The following EGFR variants were observed in gnomAD, a reference collection of about 807,000 sequenced individuals.
The protein encoded by EGFR is avian erythroblastic leukemia viral (v-erb-b) oncogene homolog.
In EGFR, 58 loss-of-function variants were observed where a neutral mutation model predicts 143.0. That is an observed-to-expected ratio of 0.41 (90% CI 0.33 to 0.50). The LOEUF is 0.50. EGFR is among the 20% of genes least tolerant of loss of function. The pLI, the probability that EGFR is intolerant of heterozygous loss-of-function variation, is 0.39. For synonymous variants in EGFR, 613 were observed against 594.4 expected (o/e 1.03, Z -0.45); for missense variants, 1,307 against 1,579.0 (o/e 0.83, Z 2.92).
chr7:55,200,704 A>G, intron 24 of EGFR: 1 of 530,888 alleles, frequency 1.9e-6, no homozygotes, highest in Non-Finnish European at 3.4e-6. Flanking sequence ...AGAGAGAAGC[A>G]TGGTCTATTG....
chr7:55,063,338 C>T (rs1406416091), intron 1 of EGFR, among the ~76,000 whole-genome samples: 1 of 152,050 alleles, frequency 6.6e-6, no homozygotes, highest in Non-Finnish European at 1.5e-5. Flanking sequence ...GGTTCAGGCT[C>T]TTATTTTACT....
At chr7:55,024,124 G>C (rs1786745034) in intron 1 of EGFR, among the ~76,000 whole-genome samples, 1 of 152,220 alleles carries the variant, frequency 6.6e-6, no homozygotes, top group African/African-American at 2.4e-5. Flanking sequence ...CAGTTGTCTA[G>C]AAAGTTCCCT....
intron 1 of EGFR, among the ~76,000 whole-genome samples, chr7:55,128,052 G>T (rs1793631881): frequency 6.6e-6 from 1 of 152,206 alleles, no homozygotes; most frequent in Non-Finnish European, 1.5e-5. Flanking sequence ...GGAGTGAGCG[G>T]TTGAGCCTGG....
intron 1 of EGFR, among the ~76,000 whole-genome samples, chr7:55,056,976 C>T (rs545852791): frequency 6.6e-6 from 1 of 152,298 alleles, no homozygotes; most frequent in East Asian, 1.9e-4. Context: ...GGAGTGCAGC[C>T]AACAGAGCAG....
chr7:55,162,093 A>C (rs1467265059), intron 13 of EGFR, among the ~76,000 whole-genome samples: 1 of 152,250 alleles, frequency 6.6e-6, no homozygotes, highest in Non-Finnish European at 1.5e-5. Flanking sequence ...ATCAAACAGT[A>C]CCAGGGACTT....
At chr7:55,045,142 T>C (rs1050292294) in intron 1 of EGFR, among the ~76,000 whole-genome samples, 5 of 152,218 alleles carry the variant, frequency 3.3e-5, no homozygotes, top group Non-Finnish European at 5.9e-5. Flanking sequence ...AAGTAAGTTA[T>C]GGAGTTGGAG....
In EGFR at chr7:55,165,337, A is replaced by G. The variant is rs1785915848; in HGVS notation, c.1780A>G (p.Thr594Ala). The change falls in exon 15 of 28, where the codon ACC (threonine) becomes GCC (alanine). Residue 594 changes from threonine (T) to alanine (A), a missense_variant. Around this residue, in one of 7 missense-constraint regions of EGFR, gnomAD observed 250 missense variants for 295.1 expected, o/e 0.85. Transcript: ENST00000275493. ...CATTGACGGCCCCCACTGCGTCAAG[A>G]CCTGCCCGGCAGGAGTCATGGGAGA... The part of the protein sequence containing the change: ...HYIDGPHCVK[T>A]CPAGVMGENN... 1 of 1,614,064 alleles carries G rather than the reference A, an allele frequency of 6.2e-7. No individual in the cohort carries two copies. Among genetic ancestry groups the G allele is most frequent in the East Asian group, 2.2e-5 (1 of 44,896 alleles).
intron 1 of EGFR, among the ~76,000 whole-genome samples, chr7:55,070,043 A>G (rs1789730521): frequency 6.6e-6 from 1 of 152,240 alleles, no homozygotes; most frequent in Admixed American, 6.5e-5. Context: ...TGTTTTTTGA[A>G]CATCACACTT....
At chr7:55,019,625 C>A (rs1377114979) in intron 1 of EGFR, among the ~76,000 whole-genome samples, 1 of 152,106 alleles carries the variant, frequency 6.6e-6, no homozygotes, top group Non-Finnish European at 1.5e-5. Context: ...GAACGGCCGC[C>A]GGGACCTCCG....
chr7:55,193,327 G>C (rs570809914), intron 22 of EGFR, among the ~76,000 whole-genome samples: 3 of 152,220 alleles, frequency 2.0e-5, no homozygotes, highest in African/African-American at 7.2e-5. Flanking sequence ...AGAAGAAAGG[G>C]AGATGACCCT....
chr7:55,165,452 A>G lies in EGFR; in HGVS notation c.1880+15A>G, dbSNP rs2128946570. The G allele has an allele frequency of 6.2e-7, 1 of 1,601,960 alleles. No individual in the cohort carries two copies. Among genetic ancestry groups the G allele is most frequent in the Non-Finnish European group, 8.5e-7 (1 of 1,172,136 alleles). ...TGCACCTACGGGTGAGTGGAAAGTG[A>G]AGGAGAACAGAACATTTCCTCTCTT... On this transcript the variant is annotated intron_variant, in intron 15 of 27. Coordinates refer to ENST00000275493, the MANE Select transcript of EGFR (RefSeq NM_005228.5).
chr7:55,106,454 GT>G (rs1792139182), intron 1 of EGFR, among the ~76,000 whole-genome samples: 2 of 152,154 alleles, frequency 1.3e-5, no homozygotes, highest in South Asian at 4.1e-4. Flanking sequence ...TTCCTAATCA[GT>G]TTTGCCCTGC....
At chr7:55,170,694 C>T in intron 15 of EGFR, 1 of 1,564,220 alleles carries the variant, frequency 6.4e-7, no homozygotes, top group Non-Finnish European at 8.6e-7. Flanking sequence ...CTAACCATCA[C>T]CCCCAGGACT....
intron 1 of EGFR, among the ~76,000 whole-genome samples, chr7:55,101,003 G>T (rs1388378269): frequency 6.6e-6 from 1 of 152,236 alleles, no homozygotes; most frequent in Non-Finnish European, 1.5e-5. Flanking sequence ...ACACAAAACT[G>T]TTTCTCCTCG....
intron 1 of EGFR, among the ~76,000 whole-genome samples, chr7:55,075,369 C>T (rs190553192): frequency 5.1e-4 from 78 of 152,272 alleles, no homozygotes; most frequent in Middle Eastern, 3.4e-3. Flanking sequence ...CTGTGACCAA[C>T]ATGACAGAAT....
intron 10 of EGFR, 47 bp downstream of exon 10, chr7:55,156,879 T>C (rs1220289286): frequency 1.2e-6 from 2 of 1,613,494 alleles, no homozygotes; most frequent in Admixed American, 3.3e-5. Context: ...ATCAGTGTTT[T>C]AGAGAGAGAA....
intron 1 of EGFR, among the ~76,000 whole-genome samples, chr7:55,112,278 G>C (rs908036684): frequency 2.0e-5 from 3 of 152,204 alleles, no homozygotes; most frequent in Non-Finnish European, 4.4e-5. Context: ...GTGGCTCAGG[G>C]TCATTCCCCT....
intron 11 of EGFR, 52 bp downstream of exon 11, chr7:55,157,805 G>C (rs755564985): frequency 1.3e-6 from 2 of 1,571,778 alleles, no homozygotes; most frequent in East Asian, 4.5e-5. Flanking sequence ...TTTTTAGTTG[G>C]AAATTAGGCT....
At chr7:55,045,042 G>A (rs1251241966) in intron 1 of EGFR, among the ~76,000 whole-genome samples, 2 of 152,166 alleles carry the variant, frequency 1.3e-5, no homozygotes, top group Non-Finnish European at 2.9e-5. Flanking sequence ...ATGATCCTGA[G>A]TCCAGCTTTC....
Sources: gnomAD v4.1 joint callset for allele counts (sites outside exome capture counted in the v4.1 genomes callset) on GRCh38, gnomAD v4.1.1 for gene constraint, gnomAD v4.1.1 regional missense constraint, MANE v1.5 for transcripts, NCBI Gene and HGNC (gene_info 2026-07-23, HGNC 2026-07-21) for gene names.